CAMSAP1: variants seen among roughly 807,000 people sequenced by gnomAD.
The protein encoded by CAMSAP1 is calmodulin-regulated spectrin-associated protein 1.
A neutral mutation model predicts 143.5 loss-of-function variants in CAMSAP1; 58 were observed. The ratio of observed to expected loss-of-function variants is 0.40; its 90% CI spans 0.33 to 0.50. The LOEUF (loss-of-function observed/expected upper bound fraction) is 0.50, where lower values mean the gene tolerates loss of function less well. CAMSAP1 is among the 20% of genes least tolerant of loss of function. CAMSAP1 has a pLI of 0.45. For missense variants in CAMSAP1, 1,969 were observed against 2,115.7 expected (o/e 0.93, Z 1.36); for synonymous variants, 945 against 859.3 (o/e 1.10, Z -1.74).
In CAMSAP1 at chr9:135,821,655, G is replaced by A. The variant is rs528776381; in HGVS notation, c.3006C>T (p.Ile1002=). 6.2e-6 allele frequency: 10 copies of A among 1,614,046 alleles called. No individual in the cohort carries two copies. The African/African-American group carries it at 1.1e-4, about 17-fold the overall frequency. ...CAGTGTCCTCCAGGAGGGCAGCGGA[G>A]ATCACCTTATTTCTCTCCAGCTCGT... ...ALHELERNKV[I]SAALLEDTVG... The change falls in exon 11 of 17, where the codon ATC becomes ATT. Residue 1002 remains isoleucine (I), a synonymous_variant. Coordinates refer to ENST00000389532, the MANE Select transcript of CAMSAP1 (RefSeq NM_015447.4). The surrounding 1 kb of genome is among the most constrained non-coding windows in gnomAD (Gnocchi z 4.6).
At chr9:135,880,811 A>G (rs373675552) in intron 3 of CAMSAP1, among the ~76,000 whole-genome samples, 10 of 152,310 alleles carry the variant, frequency 6.6e-5, no homozygotes, top group African/African-American at 2.2e-4. Flanking sequence ...TTTGCATATC[A>G]GGATGCTTAC....
chr9:135,838,258 CAT>C (rs1410975280), intron 7 of CAMSAP1, among the ~76,000 whole-genome samples: 2 of 150,198 alleles, frequency 1.3e-5, no homozygotes, highest in Admixed American at 1.3e-4. Context: ...ATTCTACAGA[CAT>C]GTCATCACGC....
chr9:135,871,968 G>T (rs1046419898), intron 3 of CAMSAP1, among the ~76,000 whole-genome samples: 6 of 152,154 alleles, frequency 3.9e-5, no homozygotes, highest in African/African-American at 1.4e-4. Context: ...CGGGCATAGT[G>T]GCAGGCGCCT....
intron 1 of CAMSAP1, among the ~76,000 whole-genome samples, chr9:135,884,445 T>C (rs1261165243): frequency 6.6e-6 from 1 of 152,144 alleles, no homozygotes; most frequent in Non-Finnish European, 1.5e-5. Flanking sequence ...AGTCTGGTCA[T>C]TTCCCCACAA....
At chr9:135,883,131 A>T in intron 1 of CAMSAP1, 53 bp from the exon 2 acceptor site, 1 of 1,537,722 alleles carries the variant, frequency 6.5e-7, no homozygotes, top group East Asian at 2.5e-5. Flanking sequence ...ACCCAAAGGA[A>T]GGAGTTCAAG....
chr9:135,818,261 A>AG lies in CAMSAP1; in HGVS notation c.4168+146_4168+147insC. ...CGCACATCTCAGAGCATCTGGTCTCAACATTGTCATCCATGAAACGGGGAT... is the reference window on the plus strand; with the variant it reads ...CGCACATCTCAGAGCATCTGGTCTCAGACATTGTCATCCATGAAACGGGGAT... On this transcript the variant is annotated intron_variant, in intron 13 of 16. Coordinates refer to ENST00000389532, the MANE Select transcript of CAMSAP1 (RefSeq NM_015447.4). The surrounding 1 kb of genome is among the most constrained non-coding windows in gnomAD (Gnocchi z 7.7). The AG allele has an allele frequency of 1.8e-6, 2 of 1,116,834 alleles. No homozygotes were observed. Among genetic ancestry groups the AG allele is most frequent in the Non-Finnish European group, 2.5e-6 (2 of 792,234 alleles). The allele number at this position is 1,116,834 out of a possible 1,614,324, so 69.2% of individuals were successfully genotyped here. A position where few individuals can be genotyped will look rare whatever the true frequency, so the allele number is the denominator to read the frequency against.
intron 1 of CAMSAP1, among the ~76,000 whole-genome samples, chr9:135,885,916 C>G (rs1289438695): frequency 6.6e-6 from 1 of 152,244 alleles, no homozygotes; most frequent in Admixed American, 6.5e-5. Flanking sequence ...AGTGGCCACA[C>G]TCCTCCATGG....
intron 2 of CAMSAP1, 46 bp from the exon 3 acceptor site, chr9:135,881,840 T>C: frequency 1.9e-6 from 3 of 1,543,932 alleles, no homozygotes; most frequent in Non-Finnish European, 2.6e-6. Context: ...CCACCCCTCT[T>C]ACCAGGTTCT....
intron 1 of CAMSAP1, among the ~76,000 whole-genome samples, chr9:135,905,799 A>T (rs977015135): frequency 6.6e-6 from 1 of 152,184 alleles, no homozygotes; most frequent in Non-Finnish European, 1.5e-5. Flanking sequence ...GCCGGCAGTG[A>T]CTGCAAGATA....
chr9:135,824,957 A>AG lies in CAMSAP1; in HGVS notation c.1224-78dup. The AG allele has an allele frequency of 1.8e-6, 2 of 1,125,356 alleles. No homozygotes were observed. The highest frequency in any genetic ancestry group is 1.3e-6 in the Non-Finnish European group (1 of 790,910). The allele number at this position is 1,125,356 out of a possible 1,614,324, so 69.7% of individuals were successfully genotyped here. On this transcript the variant is annotated intron_variant, in intron 8 of 16. Coordinates refer to ENST00000389532, the MANE Select transcript of CAMSAP1 (RefSeq NM_015447.4). This position sits in a 1 kb window ranked among gnomAD's most constrained non-coding sequence, Gnocchi z 4.1. ...GTCAACAGCAAATGCACAAGTGTAC[A>AG]GGACCATCCTGAATTCACACCAAGT...
At chr9:135,842,962 T>A (rs1415424463) in intron 7 of CAMSAP1, among the ~76,000 whole-genome samples, 1 of 152,210 alleles carries the variant, frequency 6.6e-6, no homozygotes, top group Non-Finnish European at 1.5e-5. Context: ...GCTAGCATCA[T>A]AATGACAGGA....
At chr9:135,861,304 T>C (rs1837181235) in intron 5 of CAMSAP1, among the ~76,000 whole-genome samples, 1 of 148,112 alleles carries the variant, frequency 6.8e-6, no homozygotes, top group Non-Finnish European at 1.5e-5. Context: ...GCTCTCTCCT[T>C]CTTCCTTTTT....
At chr9:135,849,624 TA>T in intron 7 of CAMSAP1, among the ~76,000 whole-genome samples, 1 of 152,296 alleles carries the variant, frequency 6.6e-6, no homozygotes, top group South Asian at 2.1e-4. Flanking sequence ...TCCCCCTCTA[TA>T]GTTATTAATA....
chr9:135,875,295 T>C (rs1837703236), intron 3 of CAMSAP1, among the ~76,000 whole-genome samples: 2 of 151,954 alleles, frequency 1.3e-5, no homozygotes, highest in South Asian at 4.2e-4. Flanking sequence ...CTGCAACCTC[T>C]GCTTCCCAGG....
intron 16 of CAMSAP1, 49 bp downstream of exon 16, chr9:135,815,048 A>G (rs750757307): frequency 7.7e-7 from 1 of 1,303,614 alleles, no homozygotes; most frequent in Non-Finnish European, 1.1e-6. Context: ...CTTAATTTAT[A>G]AACACTTTTT....
intron 7 of CAMSAP1, chr9:135,836,698 C>G (rs966307522): frequency 1.8e-5 from 18 of 983,598 alleles, no homozygotes; most frequent in Admixed American, 1.2e-4. Context: ...CACTTCTACC[C>G]TGTTCTACAG....
intron 4 of CAMSAP1, chr9:135,865,304 GGCA>G: frequency 6.5e-7 from 1 of 1,550,086 alleles, no homozygotes; most frequent in Non-Finnish European, 8.7e-7. Flanking sequence ...CTCTGTAGAT[GGCA>G]GCTGGCGGCT....
chr9:135,859,211 G>T (rs1408529399), intron 5 of CAMSAP1, among the ~76,000 whole-genome samples: 1 of 152,220 alleles, frequency 6.6e-6, no homozygotes, highest in Non-Finnish European at 1.5e-5. Context: ...TCGACTGCAC[G>T]TTTTATAAAG....
intron 5 of CAMSAP1, among the ~76,000 whole-genome samples, chr9:135,854,219 G>A (rs1388502403): frequency 6.6e-6 from 1 of 152,120 alleles, no homozygotes. Context: ...GTAGTTATGG[G>A]TCTATTTAGA....
Sources: allele counts gnomAD v4.1 joint callset (sites outside exome capture counted in the v4.1 genomes callset), GRCh38; gene constraint gnomAD v4.1.1; non-coding constraint Gnocchi (gnomAD v3.1); transcripts MANE v1.5; gene names NCBI Gene and HGNC (gene_info 2026-07-23, HGNC 2026-07-21).